The following CDKAL1 variants were observed in gnomAD, a reference collection of about 807,000 sequenced individuals.
The protein encoded by CDKAL1 is CDKAL1 threonylcarbamoyladenosine tRNA methylthiotransferase, also known as threonylcarbamoyladenosine tRNA methylthiotransferase.
Under a neutral mutation model 68.2 loss-of-function variants are expected in CDKAL1, and 32 were observed. The ratio of observed to expected loss-of-function variants is 0.47; its 90% CI spans 0.35 to 0.63. The LOEUF (loss-of-function observed/expected upper bound fraction) is 0.63. CDKAL1 is among the 30% of genes least tolerant of loss of function. The pLI is 0.00. For synonymous variants in CDKAL1, 234 were observed against 244.3 expected (o/e 0.96, Z 0.39); for missense variants, 606 against 696.7 (o/e 0.87, Z 1.47).
At chr6:21,200,085 G>A (rs1170706038) in intron 14 of CDKAL1, among the ~76,000 whole-genome samples, 6 of 152,228 alleles carry the variant, frequency 3.9e-5, no homozygotes, top group Non-Finnish European at 7.3e-5. Context: ...AGTATTACTG[G>A]ATTAGAACTG....
chr6:20,613,249 C>CTTTTTTTTTTTTTTTTTTT (rs71559677), intron 4 of CDKAL1, among the ~76,000 whole-genome samples: 7 of 77,862 alleles, frequency 9.0e-5, no homozygotes, highest in Non-Finnish European at 1.5e-4. Flanking sequence ...AAATTTCTTT[C>CTTTTTTTTTTTTTTTTTTT]TTTTTTTTTT....
chr6:20,887,943 TA>T (rs55745423), intron 9 of CDKAL1, among the ~76,000 whole-genome samples: 2,467 of 149,862 alleles, frequency 0.016, 63 homozygotes, highest in African/African-American at 0.057. Flanking sequence ...GGCTAATCTT[TA>T]AAAAAAAAAT....
intron 13 of CDKAL1, among the ~76,000 whole-genome samples, chr6:21,162,016 GC>G (rs1776950510): frequency 6.6e-6 from 1 of 152,116 alleles, no homozygotes; most frequent in Non-Finnish European, 1.5e-5. Context: ...TAATACAGAC[GC>G]TGCTTACATG....
chr6:21,218,830 C>T (rs1779431594), intron 15 of CDKAL1, among the ~76,000 whole-genome samples: 1 of 152,146 alleles, frequency 6.6e-6, no homozygotes. Context: ...ACATTCAGAC[C>T]ATAGCCAAGG....
intron 4 of CDKAL1, among the ~76,000 whole-genome samples, chr6:20,621,950 C>T (rs1198389748): frequency 6.6e-6 from 1 of 151,922 alleles, no homozygotes; most frequent in African/African-American, 2.4e-5. Flanking sequence ...GGTGTCATTT[C>T]TTTTAAACTC....
At chr6:20,737,258 G>A (rs572651129) in intron 5 of CDKAL1, among the ~76,000 whole-genome samples, 22 of 151,942 alleles carry the variant, frequency 1.4e-4, no homozygotes, top group Non-Finnish European at 2.8e-4. Flanking sequence ...TTTTGACTTC[G>A]TGGTATGTTA....
chr6:21,173,704 A>T lies in CDKAL1; in HGVS notation c.1300-24317A>T, dbSNP rs532808764. Reference sequence around the variant, plus strand: ...TGCAGATGAATACACAAGCAATTACAGGAACTGCAGGAAAATCAACTGAAA... The same window carrying T: ...TGCAGATGAATACACAAGCAATTACTGGAACTGCAGGAAAATCAACTGAAA... On this transcript the variant is annotated intron_variant, in intron 13 of 15. Coordinates refer to ENST00000274695, the MANE Select transcript of CDKAL1 (RefSeq NM_017774.3). Among the ~76,000 whole-genome samples, 5 of 152,352 alleles carry T rather than the reference A, an allele frequency of 3.3e-5. No homozygotes were observed. The South Asian group carries it at 1.0e-3, about 32-fold the overall frequency.
chr6:21,200,496 C>T (rs867930600), intron 14 of CDKAL1, among the ~76,000 whole-genome samples: 18 of 152,192 alleles, frequency 1.2e-4, no homozygotes, highest in Non-Finnish European at 1.8e-4. Context: ...CACACATGCA[C>T]GGACACAAAC....
At chr6:20,910,607 T>C (rs1409257357) in intron 9 of CDKAL1, among the ~76,000 whole-genome samples, 2 of 152,198 alleles carry the variant, frequency 1.3e-5, no homozygotes, top group Admixed American at 1.3e-4. Context: ...CCCCTCTGTG[T>C]GCCCTGATTT....
intron 15 of CDKAL1, 86 bp downstream of exon 15, chr6:21,201,360 C>A: frequency 8.4e-7 from 1 of 1,195,266 alleles, no homozygotes; most frequent in Non-Finnish European, 1.2e-6. Context: ...TTTCTGTTAT[C>A]ATTTATAGTT....
chr6:20,785,733 C>A (rs6456373), intron 8 of CDKAL1, among the ~76,000 whole-genome samples: 146,012 of 152,262 alleles, frequency 0.96, 70,022 homozygotes, highest in East Asian at 1. Flanking sequence ...GTAAAATCCT[C>A]ACACTTTTCA....
intron 13 of CDKAL1, among the ~76,000 whole-genome samples, chr6:21,151,443 C>A (rs1776406867): frequency 6.6e-6 from 1 of 152,078 alleles, no homozygotes; most frequent in African/African-American, 2.4e-5. Context: ...AGAAATGACT[C>A]TGTGTTCAGC....
intron 10 of CDKAL1, among the ~76,000 whole-genome samples, chr6:20,979,020 A>G (rs1002578033): frequency 6.6e-6 from 1 of 152,250 alleles, no homozygotes; most frequent in Non-Finnish European, 1.5e-5. Flanking sequence ...ATTGCAAATG[A>G]TGAAAAATTA....
intron 13 of CDKAL1, among the ~76,000 whole-genome samples, chr6:21,190,569 G>T (rs939134383): frequency 1.3e-5 from 2 of 152,144 alleles, no homozygotes; most frequent in African/African-American, 4.8e-5. Context: ...GTTTCATCAT[G>T]TTGGCTAAGC....
intron 9 of CDKAL1, among the ~76,000 whole-genome samples, chr6:20,885,257 C>T (rs535589577): frequency 6.9e-4 from 105 of 152,266 alleles, no homozygotes; most frequent in African/African-American, 2.5e-3. Context: ...CTCACACTCC[C>T]CAATTTCAGA....
chr6:21,153,157 A>G (rs544339796), intron 13 of CDKAL1, among the ~76,000 whole-genome samples: 2 of 151,760 alleles, frequency 1.3e-5, no homozygotes, highest in African/African-American at 4.8e-5. Flanking sequence ...TGTTTTTTCT[A>G]ATAGTGTTTT....
chr6:20,823,149 C>T (rs1443065534), intron 8 of CDKAL1, among the ~76,000 whole-genome samples: 1 of 152,202 alleles, frequency 6.6e-6, no homozygotes, highest in East Asian at 1.9e-4. Flanking sequence ...TTGTTTCTTT[C>T]CCTACCCTTG....
chr6:21,144,877 G>A (rs538825374), intron 13 of CDKAL1, among the ~76,000 whole-genome samples: 3 of 152,258 alleles, frequency 2.0e-5, no homozygotes, highest in South Asian at 2.1e-4. Context: ...TGAGGAGGGA[G>A]ATAAGGGATG....
chr6:21,160,948 A>G lies in CDKAL1; in HGVS notation c.1300-37073A>G, dbSNP rs1029226188. Among the ~76,000 whole-genome samples the G allele has an allele frequency of 3.3e-5, 5 of 151,766 alleles. No homozygotes were observed. The East Asian group carries it at 9.8e-4, about 30-fold the overall frequency. On this transcript the variant is annotated intron_variant, in intron 13 of 15. Coordinates refer to ENST00000274695, the MANE Select transcript of CDKAL1 (RefSeq NM_017774.3). ...CATATTTTCATTTAAACAGTGGCTAATCCAGTCAAGAGAATAGATCCTGGA... is the reference window on the plus strand; with the variant it reads ...CATATTTTCATTTAAACAGTGGCTAGTCCAGTCAAGAGAATAGATCCTGGA...
Sources: gnomAD v4.1 joint callset for allele counts (sites outside exome capture counted in the v4.1 genomes callset) on GRCh38, gnomAD v4.1.1 for gene constraint, MANE v1.5 for transcripts, NCBI Gene and HGNC (gene_info 2026-07-23, HGNC 2026-07-21) for gene names.